TSHZ2: variants seen among roughly 807,000 people sequenced by gnomAD.
TSHZ2 encodes the protein teashirt homolog 2.
TSHZ2 carries 21 observed loss-of-function variants against 74.4 expected under a neutral mutation model. That is an observed-to-expected ratio of 0.28 (90% CI 0.20 to 0.41). The LOEUF (loss-of-function observed/expected upper bound fraction) is 0.41, where lower values mean the gene tolerates loss of function less well. Among genes scored for constraint, TSHZ2 ranks in the 10% least tolerant of loss-of-function variants. The pLI, the probability that TSHZ2 is intolerant of heterozygous loss-of-function variation, is 1.00. For synonymous variants in TSHZ2, 540 were observed against 515.3 expected, an observed-to-expected ratio of 1.05 and a Z score of -0.65; for missense variants, 1,244 against 1,293.5, an observed-to-expected ratio of 0.96 and a Z score of 0.59.
At chr20:53,042,892 C>T (rs1456001069) in intron 1 of TSHZ2, among the ~76,000 whole-genome samples, 1 of 152,106 alleles carries the variant, frequency 6.6e-6, no homozygotes, top group East Asian at 1.9e-4. Context: ...ATATTCAATG[C>T]AGTATTGTTT....
At chr20:53,057,030 C>T (rs1030049979) in intron 1 of TSHZ2, among the ~76,000 whole-genome samples, 2 of 152,114 alleles carry the variant, frequency 1.3e-5, no homozygotes, top group African/African-American at 4.8e-5. Context: ...TTTTCCTGTA[C>T]TGTTCTCATG....
chr20:53,241,413 C>T (rs1364887451), intron 1 of TSHZ2, among the ~76,000 whole-genome samples: 1 of 152,102 alleles, frequency 6.6e-6, no homozygotes, highest in Non-Finnish European at 1.5e-5. Flanking sequence ...GGTGGAGTTA[C>T]TGGAGTAGTT....
intron 1 of TSHZ2, among the ~76,000 whole-genome samples, chr20:53,145,416 A>G (rs1356287799): frequency 6.6e-6 from 1 of 152,192 alleles, no homozygotes; most frequent in Non-Finnish European, 1.5e-5. Context: ...TTCCCCGAGA[A>G]TGACACCTTG....
In TSHZ2 at chr20:53,334,903, C is replaced by T. The variant is rs34667058; in HGVS notation, c.*8+78332C>T. Among the ~76,000 whole-genome samples, 192 of 152,192 alleles carry T rather than the reference C, an allele frequency of 1.3e-3. 1 individual carries two copies. The South Asian group carries it at 0.018, about 14-fold the overall frequency. ...TTCACCATATTAGCCAGGCTGGTCT[C>T]GAACTCCTGACCTTATGATCCACCA... On this transcript the variant is annotated intron_variant, in intron 2 of 2. Coordinates refer to ENST00000371497, the MANE Select transcript of TSHZ2 (RefSeq NM_173485.6).
At chr20:53,096,937 A>AAACAAAAAACAAAAAAAAAC (rs1986071303) in intron 1 of TSHZ2, among the ~76,000 whole-genome samples, 2 of 152,044 alleles carry the variant, frequency 1.3e-5, no homozygotes, top group Non-Finnish European at 2.9e-5. Flanking sequence ...CAAAAACAAA[A>AAACAAAAAACAAAAAAAAAC]AACAAAAAAC....
chr20:53,207,159 G>A (rs970620024), intron 1 of TSHZ2, among the ~76,000 whole-genome samples: 7 of 152,088 alleles, frequency 4.6e-5, no homozygotes, highest in South Asian at 2.1e-4. Context: ...AGTTGTTCCT[G>A]TTTCAGCCTG....
At position 53,463,841 on chromosome 20, in the gene TSHZ2, T is replaced by C. The variant is rs144816285; in HGVS notation, c.*9-23303T>C. 4.3e-3 allele frequency among the ~76,000 whole-genome samples: 653 copies of C among 152,316 alleles called. 2 individuals are homozygous for C. The highest frequency in any genetic ancestry group is 0.037 in the South Asian group (179 of 4,826). On this transcript the variant is annotated intron_variant, in intron 2 of 2. Transcript: ENST00000371497. ...CTTATTAGGTGTGAACTTGGTCAAG[T>C]TGCTTAACATCTCTGAGCCTTGATT...
At position 53,253,857 on chromosome 20, in the gene TSHZ2, G is replaced by A. The variant is rs754863809; in HGVS notation, c.399G>A (p.Leu133=). The part of the protein sequence containing the change: ...DKMTAVYANI[L]SDSYWSGLGL... ...TGACCGCTGTCTACGCCAACATCCT[G>A]TCGGATTCCTACTGGTCAGGCCTGG... The change falls in exon 2 of 3, where the codon CTG becomes CTA. Residue 133 remains leucine (L), a synonymous_variant. Coordinates refer to ENST00000371497, the MANE Select transcript of TSHZ2 (RefSeq NM_173485.6). The A allele has an allele frequency of 1.2e-6, 2 of 1,614,076 alleles. No individual in the cohort carries two copies. Among genetic ancestry groups the A allele is most frequent in the African/African-American group, 2.7e-5 (2 of 74,934 alleles).
At chr20:53,386,741 C>G (rs996927010) in intron 2 of TSHZ2, among the ~76,000 whole-genome samples, 4 of 152,090 alleles carry the variant, frequency 2.6e-5, no homozygotes, top group Non-Finnish European at 5.9e-5. Flanking sequence ...GAAACAGAGG[C>G]CTGCTCCCAG....
intron 1 of TSHZ2, among the ~76,000 whole-genome samples, chr20:52,979,965 G>A (rs1450641690): frequency 6.6e-6 from 1 of 152,150 alleles, no homozygotes; most frequent in Admixed American, 6.5e-5. Flanking sequence ...TCATCTAAAT[G>A]AGAGCTCTCT....
chr20:52,997,262 G>C (rs374571045), intron 1 of TSHZ2, among the ~76,000 whole-genome samples: 10 of 135,464 alleles, frequency 7.4e-5, no homozygotes, highest in South Asian at 2.2e-4. Flanking sequence ...CTTGCCCCGG[G>C]GGGGGGTTCA....
chr20:53,039,484 A>G (rs1983957836), intron 1 of TSHZ2, among the ~76,000 whole-genome samples: 1 of 152,212 alleles, frequency 6.6e-6, no homozygotes, highest in South Asian at 2.1e-4. Flanking sequence ...CTTTCTGTGC[A>G]CTTGACACTG....
At chr20:53,265,666 C>T (rs111320235) in intron 2 of TSHZ2, among the ~76,000 whole-genome samples, 20 of 152,340 alleles carry the variant, frequency 1.3e-4, no homozygotes, top group African/African-American at 4.8e-4. Context: ...CATTCTGTGG[C>T]TGCTCCTTGT....
intron 1 of TSHZ2, among the ~76,000 whole-genome samples, chr20:53,103,368 G>A (rs1368047434): frequency 6.6e-6 from 1 of 152,186 alleles, no homozygotes; most frequent in Non-Finnish European, 1.5e-5. Context: ...ACCTCTGATG[G>A]TATGTTTAAA....
intron 2 of TSHZ2, among the ~76,000 whole-genome samples, chr20:53,312,634 T>C (rs139944251): frequency 3.6e-4 from 55 of 152,318 alleles, no homozygotes; most frequent in African/African-American, 1.2e-3. Context: ...GGGTGAGACA[T>C]AACAGGCTTA....
chr20:53,177,697 T>C (rs949503976), intron 1 of TSHZ2, among the ~76,000 whole-genome samples: 10 of 152,242 alleles, frequency 6.6e-5, no homozygotes, highest in African/African-American at 2.4e-4. Flanking sequence ...GTTTCTTCTA[T>C]CTAAAAGTTC....
intron 1 of TSHZ2, among the ~76,000 whole-genome samples, chr20:53,241,354 TA>T (rs1291607559): frequency 2.6e-5 from 4 of 152,226 alleles, no homozygotes; most frequent in Non-Finnish European, 4.4e-5. Flanking sequence ...TTGGCTCATT[TA>T]AAAGCTAACC....
intron 1 of TSHZ2, among the ~76,000 whole-genome samples, chr20:53,233,387 T>C (rs1048290051): frequency 2.0e-5 from 3 of 152,166 alleles, no homozygotes; most frequent in African/African-American, 7.2e-5. Context: ...CATGAGACTA[T>C]GTAAGAAGAG....
At chr20:53,346,687 G>A (rs1980453206) in intron 2 of TSHZ2, among the ~76,000 whole-genome samples, 2 of 152,170 alleles carry the variant, frequency 1.3e-5, no homozygotes, top group Admixed American at 1.3e-4. Context: ...CCAGGAGAAA[G>A]CACGAAGAGG....
Sources: gnomAD v4.1 joint callset for allele counts (sites outside exome capture counted in the v4.1 genomes callset) on GRCh38, gnomAD v4.1.1 for gene constraint, MANE v1.5 for transcripts, NCBI Gene and HGNC (gene_info 2026-07-23, HGNC 2026-07-21) for gene names.